OR10C1: variants seen among roughly 807,000 people sequenced by gnomAD.
OR10C1 encodes olfactory receptor family 10 subfamily C member 1, also known as olfactory receptor 10C1.
For missense variants in OR10C1, 388 were observed against 392.1 expected, an observed-to-expected ratio of 0.99 and a Z score of 0.09; for synonymous variants, 183 against 174.4, an observed-to-expected ratio of 1.05 and a Z score of -0.39.
chr6:29,439,937 T>C lies in OR10C1; in HGVS notation c.-79T>C. ...CGATCAGATGCAGAGAGAGGTCATC[T>C]TTGCCCATTTCACGATTCCATAGTT... On this transcript the variant is annotated 5_prime_UTR_variant, in exon 1 of 1. Coordinates refer to ENST00000444197, the MANE Select transcript of OR10C1 (RefSeq NM_013941.4). The C allele has an allele frequency of 9.2e-7, 1 of 1,081,404 alleles. No individual in the cohort carries two copies. Among genetic ancestry groups the C allele is most frequent in the Non-Finnish European group, 1.4e-6 (1 of 723,178 alleles). 67.0% of individuals were successfully genotyped at this position (1,081,404 alleles called of 1,614,324 possible).
rs1783958954 is a variant in OR10C1 at position 29,439,900 on chromosome 6, G to A, written c.-116G>A. On this transcript the variant is annotated 5_prime_UTR_variant, in exon 1 of 1. Coordinates refer to ENST00000444197, the MANE Select transcript of OR10C1 (RefSeq NM_013941.4). Reference sequence around the variant, plus strand: ...TCCATGATATTCTAATAGAAAGGGAGATCTAGTGCTGCGATCAGATGCAGA... The same window carrying A: ...TCCATGATATTCTAATAGAAAGGGAAATCTAGTGCTGCGATCAGATGCAGA... 2 of 740,578 alleles carry A rather than the reference G, an allele frequency of 2.7e-6. No individual in the cohort carries two copies. Among genetic ancestry groups the A allele is most frequent in the African/African-American group, 1.8e-5 (1 of 56,872 alleles). 45.9% of individuals were successfully genotyped at this position (740,578 alleles called of 1,614,324 possible).
At position 29,440,499 on chromosome 6, in the gene OR10C1, A is replaced by G; in HGVS notation, c.484A>G (p.Ile162Val). The G allele has an allele frequency of 6.2e-7, 1 of 1,613,472 alleles. No homozygotes were observed. The highest frequency in any genetic ancestry group is 8.5e-7 in the Non-Finnish European group (1 of 1,179,880). Reference protein sequence around the residue: ...VLVGLGHTPFIFSLPFCGPNT... With the variant: ...VLVGLGHTPFVFSLPFCGPNT... ...GGTGGGGCTGGGCCACACCCCTTTC[A>G]TCTTCTCTTTGCCCTTCTGCGGCCC... The change falls in exon 1 of 1, where the codon ATC becomes GTC. Residue 162 changes from isoleucine to valine, a missense_variant. Physicochemically the swap from Ile to Val is conservative, Grantham distance 29. Coordinates refer to ENST00000444197, the MANE Select transcript of OR10C1 (RefSeq NM_013941.4).
rs1783969802 is a variant in OR10C1 at position 29,439,988 on chromosome 6, G to A, written c.-28G>A. ...GTGATTTTTCCTTGCCATTTCTTTT[G>A]TCTTCCAGTCAAAGGTATGCAGGCA... On this transcript the variant is annotated 5_prime_UTR_variant, in exon 1 of 1. Transcript: ENST00000444197. 1.3e-6 allele frequency: 2 copies of A among 1,573,728 alleles called. No individual in the cohort carries two copies. The highest frequency in any genetic ancestry group is 1.7e-6 in the Non-Finnish European group (2 of 1,152,326).
rs749548187 is a variant in OR10C1, at chr6:29,440,960, G to A, written c.*6G>A. 4.4e-6 allele frequency: 7 copies of A among 1,577,752 alleles called. No homozygotes were observed. Among genetic ancestry groups the A allele is most frequent in the Admixed American group, 1.7e-5 (1 of 59,748 alleles). Reference sequence around the variant, plus strand: ...CGGTGCCTATGGAGATTTGAAAAGGGGGCGATAGTGACTTCTGTGCAGTGC... The same window carrying A: ...CGGTGCCTATGGAGATTTGAAAAGGAGGCGATAGTGACTTCTGTGCAGTGC... On this transcript the variant is annotated 3_prime_UTR_variant, in exon 1 of 1. Coordinates refer to ENST00000444197, the MANE Select transcript of OR10C1 (RefSeq NM_013941.4).
rs1345032989 is a variant in OR10C1 at position 29,440,934 on chromosome 6, A to ACGGTG, written c.921_925dup (p.Pro309ArgfsTer?). 1.2e-6 allele frequency: 2 copies of ACGGTG among 1,610,630 alleles called. No individual in the cohort carries two copies. The highest frequency in any genetic ancestry group is 4.5e-5 in the East Asian group (2 of 44,866). On this transcript the variant is annotated frameshift_variant, in exon 1 of 1. Transcript: ENST00000444197. LOFTEE classifies it high-confidence loss of function. ...TGCCCTAAAGAGAACCATCCAGAAAACGGTGCCTATGGAGATTTGAAAAGG... is the reference window on the plus strand; with the variant it reads ...TGCCCTAAAGAGAACCATCCAGAAAACGGTGCGGTGCCTATGGAGATTTGAAAAGG...
At position 29,440,341 on chromosome 6, in the gene OR10C1, C is replaced by A. The variant is rs778887828; in HGVS notation, c.326C>A (p.Thr109Lys). Residue 109 changes from threonine (T) to lysine (K), a missense_variant, in exon 1 of 1, where the codon ACG becomes AAG. Thr to Lys is a moderately conservative substitution (Grantham distance 78). Transcript: ENST00000444197. ...QMFFFLFFGA[T>K]ECCLLAAMAY... ...TTCTTCTTCCTCTTCTTTGGCGCCACGGAGTGCTGCCTCCTGGCAGCCATG... is the reference window on the plus strand; with the variant it reads ...TTCTTCTTCCTCTTCTTTGGCGCCAAGGAGTGCTGCCTCCTGGCAGCCATG... 2 of 1,614,088 alleles carry A rather than the reference C, an allele frequency of 1.2e-6. No individual in the cohort carries two copies. Among genetic ancestry groups the A allele is most frequent in the East Asian group, 4.5e-5 (2 of 44,870 alleles).
rs552693542 is a variant in OR10C1, at chr6:29,440,286, A to T, written c.271A>T (p.Ile91Phe). The stretch of plus-strand genomic sequence containing the variant: ...CCACCTCCTTACTGGCCGGCGCCAC[A>T]TCTCTCGCTCTGGATGTGCTCTCCA... ...LHHLLTGRRH[I>F]SRSGCALQMF... is the part of the protein sequence containing the mutation. The change falls in exon 1 of 1, where the codon ATC (isoleucine) becomes TTC (phenylalanine). Residue 91 changes from isoleucine to phenylalanine, a missense_variant. Physicochemically the swap from Ile to Phe is conservative, Grantham distance 21. Transcript: ENST00000444197. 1 of 1,613,864 alleles carries T rather than the reference A, an allele frequency of 6.2e-7. No homozygotes were observed.
Position 29,440,796 on chromosome 6 carries a change from C to G in OR10C1, c.781C>G (p.Pro261Ala), listed in dbSNP as rs142490737. ...CACCGCACTCTTTATCTATATTCGC[C>G]CTAAGGCCAGCTACGATCCGGCCAC... Reference protein sequence around the residue: ...YGTALFIYIRPKASYDPATDP... With the variant: ...YGTALFIYIRAKASYDPATDP... The change falls in exon 1 of 1, where the codon CCT (proline) becomes GCT (alanine). Residue 261 changes from proline to alanine, a missense_variant. Transcript: ENST00000444197. The G allele has an allele frequency of 6.6e-5, 106 of 1,614,130 alleles. No homozygotes were observed. In the African/African-American group the frequency reaches 1.2e-3, roughly 18 times the overall value.
Position 29,440,134 on chromosome 6 carries a change from G to A in OR10C1, c.119G>A (p.Gly40Asp). The change falls in exon 1 of 1, where the codon GGC becomes GAC. Residue 40 changes from glycine (G) to aspartate (D), a missense_variant. Coordinates refer to ENST00000444197, the MANE Select transcript of OR10C1 (RefSeq NM_013941.4). Reference sequence around the variant, plus strand: ...ACTATCTACCTGCTGACCGTGGCAGGCAATTTCCTCATTGTGGTGCTGGTC... The same window carrying A: ...ACTATCTACCTGCTGACCGTGGCAGACAATTTCCTCATTGTGGTGCTGGTC... ...FLTIYLLTVAGNFLIVVLVST... is the reference protein window; with the variant it reads ...FLTIYLLTVADNFLIVVLVST... The A allele has an allele frequency of 6.2e-7, 1 of 1,613,458 alleles. No individual in the cohort carries two copies. The highest frequency in any genetic ancestry group is 8.5e-7 in the Non-Finnish European group (1 of 1,180,024).
In OR10C1 at chr6:29,439,928, G is replaced by A; in HGVS notation, c.-88G>A. ...CTAGTGCTGCGATCAGATGCAGAGA[G>A]AGGTCATCTTTGCCCATTTCACGAT... On this transcript the variant is annotated 5_prime_UTR_variant, in exon 1 of 1. Coordinates refer to ENST00000444197, the MANE Select transcript of OR10C1 (RefSeq NM_013941.4). 3 of 936,728 alleles carry A rather than the reference G, an allele frequency of 3.2e-6. No individual in the cohort carries two copies. The highest frequency in any genetic ancestry group is 5.0e-6 in the Non-Finnish European group (3 of 598,512). The allele number at this position is 936,728 out of a possible 1,614,324, so 58.0% of individuals were successfully genotyped here.
chr6:29,439,995 A>T lies in OR10C1; in HGVS notation c.-21A>T. The T allele has an allele frequency of 6.3e-7, 1 of 1,592,766 alleles. No individual in the cohort carries two copies. The highest frequency in any genetic ancestry group is 1.1e-5 in the South Asian group (1 of 89,190). ...TTCCTTGCCATTTCTTTTGTCTTCCAGTCAAAGGTATGCAGGCAGGATGAG... is the reference window on the plus strand; with the variant it reads ...TTCCTTGCCATTTCTTTTGTCTTCCTGTCAAAGGTATGCAGGCAGGATGAG... On this transcript the variant is annotated 5_prime_UTR_variant, in exon 1 of 1. Coordinates refer to ENST00000444197, the MANE Select transcript of OR10C1 (RefSeq NM_013941.4).
Position 29,440,281 on chromosome 6 carries a change from G to A in OR10C1, c.266G>A (p.Arg89His), listed in dbSNP as rs533065635. Reference sequence around the variant, plus strand: ...CTTCACCACCTCCTTACTGGCCGGCGCCACATCTCTCGCTCTGGATGTGCT... The same window carrying A: ...CTTCACCACCTCCTTACTGGCCGGCACCACATCTCTCGCTCTGGATGTGCT... ...LLLHHLLTGRRHISRSGCALQ... is the reference protein window; with the variant it reads ...LLLHHLLTGRHHISRSGCALQ... Residue 89 changes from arginine to histidine, a missense_variant, in exon 1 of 1, where the codon CGC becomes CAC. Transcript: ENST00000444197. 1.9e-6 allele frequency: 3 copies of A among 1,613,960 alleles called. No individual in the cohort carries two copies. Among genetic ancestry groups the A allele is most frequent in the Admixed American group, 1.7e-5 (1 of 60,028 alleles).
In OR10C1 at chr6:29,440,213, G is replaced by A. The variant is rs758675435; in HGVS notation, c.198G>A (p.Ser66=). The change falls in exon 1 of 1, where the codon TCG becomes TCA. Residue 66 remains serine, a synonymous_variant. Transcript: ENST00000444197. ...SPMYFFLRTL[S]ALEIGYTSVT... ...TGTACTTCTTCCTGCGCACCCTCTC[G>A]GCCTTGGAGATTGGCTATACGTCTG... 12 of 1,613,818 alleles carry A rather than the reference G, an allele frequency of 7.4e-6. No individual in the cohort carries two copies. Among genetic ancestry groups the A allele is most frequent in the Admixed American group, 5.0e-5 (3 of 60,000 alleles).
At position 29,440,816 on chromosome 6, in the gene OR10C1, G is replaced by C; in HGVS notation, c.801G>C (p.Pro267=). The C allele has an allele frequency of 6.2e-7, 1 of 1,613,960 alleles. No individual in the cohort carries two copies. The highest frequency in any genetic ancestry group is 2.2e-5 in the East Asian group (1 of 44,876). Reference sequence around the variant, plus strand: ...TTCGCCCTAAGGCCAGCTACGATCCGGCCACTGACCCTCTGGTGTCCCTCT... The same window carrying C: ...TTCGCCCTAAGGCCAGCTACGATCCCGCCACTGACCCTCTGGTGTCCCTCT... ...IYIRPKASYD[P]ATDPLVSLFY... The change falls in exon 1 of 1, where the codon CCG becomes CCC. Residue 267 remains proline (P), a synonymous_variant. Transcript: ENST00000444197.
At position 29,440,242 on chromosome 6, in the gene OR10C1, C is replaced by T. The variant is rs1208523119; in HGVS notation, c.227C>T (p.Thr76Met). The T allele has an allele frequency of 7.4e-6, 12 of 1,613,850 alleles. No individual in the cohort carries two copies. Among genetic ancestry groups the T allele is most frequent in the Admixed American group, 1.7e-5 (1 of 60,012 alleles). ...SALEIGYTSVTVPLLLHHLLT... is the reference protein window; with the variant it reads ...SALEIGYTSVMVPLLLHHLLT... ...TTGGAGATTGGCTATACGTCTGTCA[C>T]GGTCCCCCTGCTACTTCACCACCTC... The change falls in exon 1 of 1, where the codon ACG (threonine) becomes ATG (methionine). Residue 76 changes from threonine to methionine, a missense_variant. Thr to Met is a moderately conservative substitution (Grantham distance 81). Coordinates refer to ENST00000444197, the MANE Select transcript of OR10C1 (RefSeq NM_013941.4).
At position 29,439,458 on chromosome 6, in the gene OR10C1, C is replaced by T. The variant is rs1220684439; in HGVS notation, c.-558C>T. 2 of 152,672 alleles carry T rather than the reference C, an allele frequency of 1.3e-5. No individual in the cohort carries two copies. Among genetic ancestry groups the T allele is most frequent in the Non-Finnish European group, 2.9e-5 (2 of 68,514 alleles). 9.5% of individuals were successfully genotyped at this position (152,672 alleles called of 1,614,324 possible). A position where few individuals can be genotyped will look rare whatever the true frequency, so the allele number is the denominator to read the frequency against. Reference sequence around the variant, plus strand: ...TCTCATTTTTTTTCTCCTCCTTGAACACTGTGAAATTTATGGTAAAATGAC... The same window carrying T: ...TCTCATTTTTTTTCTCCTCCTTGAATACTGTGAAATTTATGGTAAAATGAC... On this transcript the variant is annotated 5_prime_UTR_variant, in exon 1 of 1. Coordinates refer to ENST00000444197, the MANE Select transcript of OR10C1 (RefSeq NM_013941.4).
rs1442313764 is a variant in OR10C1, at chr6:29,440,180, G to A, written c.165G>A (p.Gln55=). Residue 55 remains glutamine, a synonymous_variant, in exon 1 of 1, where the codon CAG becomes CAA. Coordinates refer to ENST00000444197, the MANE Select transcript of OR10C1 (RefSeq NM_013941.4). ...TGGTCTCCACTGATGCTGCCCTCCA[G>A]TCCCCTATGTACTTCTTCCTGCGCA... ...VVLVSTDAAL[Q]SPMYFFLRTL... 6.2e-7 allele frequency: 1 copy of A among 1,613,732 alleles called. No individual in the cohort carries two copies. The highest frequency in any genetic ancestry group is 1.7e-5 in the Admixed American group (1 of 60,024).
rs1783976741 is a variant in OR10C1, at chr6:29,440,035, T to A, written c.20T>A (p.Met7Lys). ...GGCAGGATGAGTGCAAACACCTCCA[T>A]GGTGACTGAGTTTCTTCTTCTCGGC... MSANTS[M>K]VTEFLLLGFS... Residue 7 changes from methionine (M) to lysine (K), a missense_variant, in exon 1 of 1, where the codon ATG becomes AAG. Coordinates refer to ENST00000444197, the MANE Select transcript of OR10C1 (RefSeq NM_013941.4). The A allele has an allele frequency of 1.2e-6, 2 of 1,613,102 alleles. No individual in the cohort carries two copies. The highest frequency in any genetic ancestry group is 1.7e-6 in the Non-Finnish European group (2 of 1,179,974).
In OR10C1 at chr6:29,439,966, AT is replaced by A. The variant is rs761088201; in HGVS notation, c.-45del. ...CCCATTTCACGATTCCATAGTTGTG[AT>A]TTTTCCTTGCCATTTCTTTTGTCTT... On this transcript the variant is annotated 5_prime_UTR_variant, in exon 1 of 1. Coordinates refer to ENST00000444197, the MANE Select transcript of OR10C1 (RefSeq NM_013941.4). 3.4e-6 allele frequency: 5 copies of A among 1,477,942 alleles called. No individual in the cohort carries two copies. The East Asian group carries it at 9.1e-5, about 27-fold the overall frequency. 91.6% of individuals were successfully genotyped at this position (1,477,942 alleles called of 1,614,324 possible).
Sources: allele counts gnomAD v4.1 joint callset, GRCh38; gene constraint gnomAD v4.1.1; transcripts MANE v1.5; gene names NCBI Gene and HGNC (gene_info 2026-07-23, HGNC 2026-07-21).